Variants in TIAM1 observed in about 807,000 individuals in gnomAD.
TIAM1 encodes the protein rho guanine nucleotide exchange factor TIAM1.
TIAM1 carries 65 observed loss-of-function variants against 163.5 expected under a neutral mutation model. That is an observed-to-expected ratio of 0.40 (90% CI 0.33 to 0.49). The LOEUF (loss-of-function observed/expected upper bound fraction) is 0.49. Ranked by LOEUF, TIAM1 falls within the 20% of genes least tolerant of loss-of-function variation. The pLI, the probability that TIAM1 is intolerant of heterozygous loss-of-function variation, is 0.77. For missense variants in TIAM1, 1,789 were observed against 2,044.7 expected, an observed-to-expected ratio of 0.87 and a Z score of 2.41; for synonymous variants, 833 against 810.1, an observed-to-expected ratio of 1.03 and a Z score of -0.48.
At chr21:31,261,262 C>CTT (rs397792273) in intron 4 of TIAM1, among the ~76,000 whole-genome samples, 63,291 of 136,626 alleles carry the variant, frequency 0.46, 14,932 homozygotes, top group East Asian at 0.79. Context: ...CAGCCAAGTC[C>CTT]TTTTTTTTTT....
At chr21:31,538,729 C>T (rs915068242) in intron 1 of TIAM1, among the ~76,000 whole-genome samples, 2 of 152,166 alleles carry the variant, frequency 1.3e-5, no homozygotes, top group African/African-American at 2.4e-5. Flanking sequence ...GCCTTGGTTT[C>T]GAAAGAGATT....
intron 11 of TIAM1, among the ~76,000 whole-genome samples, chr21:31,208,650 A>C (rs2086571624): frequency 6.6e-6 from 1 of 152,220 alleles, no homozygotes; most frequent in Non-Finnish European, 1.5e-5. Flanking sequence ...TATGGCCCAA[A>C]ACAAGTGATT....
At chr21:31,156,783 C>T (rs757807563) in intron 16 of TIAM1, among the ~76,000 whole-genome samples, 32 of 152,334 alleles carry the variant, frequency 2.1e-4, no homozygotes, top group Non-Finnish European at 3.7e-4. Context: ...CAGCTGACAA[C>T]TAACTGTGCC....
intron 1 of TIAM1, among the ~76,000 whole-genome samples, chr21:31,519,237 G>A (rs146730326): frequency 0.044 from 6,657 of 149,796 alleles, 517 homozygotes; most frequent in African/African-American, 0.15. Flanking sequence ...CCTGGGAGGC[G>A]GAGGTTGCGG....
intron 1 of TIAM1, among the ~76,000 whole-genome samples, chr21:31,515,821 A>C (rs2047361126): frequency 6.6e-6 from 1 of 152,106 alleles, no homozygotes; most frequent in Non-Finnish European, 1.5e-5. Flanking sequence ...TCTAAAACAC[A>C]CCAGGGACTG....
rs539793835 is a variant in TIAM1, at chr21:31,130,804, TG to T, written c.3942+85del. The T allele has an allele frequency of 9.0e-4, 1,189 of 1,326,930 alleles. 7 individuals carry two copies. In the African/African-American group the frequency reaches 0.015, roughly 17 times the overall value. The allele number at this position is 1,326,930 out of a possible 1,614,324, so 82.2% of individuals were successfully genotyped here. A position where few individuals can be genotyped will look rare whatever the true frequency, so the allele number is the denominator to read the frequency against. On this transcript the variant is annotated intron_variant, in intron 24 of 27. Transcript: ENST00000541036. Reference sequence around the variant, plus strand: ...AAAAAGATCATAAAAAGGCTCATACTGACAAAATGGTAGAATTATGCAGGCA... The same window carrying T: ...AAAAAGATCATAAAAAGGCTCATACTACAAAATGGTAGAATTATGCAGGCA...
intron 1 of TIAM1, among the ~76,000 whole-genome samples, chr21:31,548,691 G>A (rs937540336): frequency 2.6e-5 from 4 of 151,446 alleles, no homozygotes; most frequent in African/African-American, 9.7e-5. Flanking sequence ...TCTTCACCAT[G>A]TTGGCCAGGC....
At chr21:31,240,274 C>A (rs557438520) in intron 6 of TIAM1, among the ~76,000 whole-genome samples, 2 of 152,206 alleles carry the variant, frequency 1.3e-5, no homozygotes, top group South Asian at 4.1e-4. Context: ...AAAAGCAACA[C>A]GAACAGTGGT....
intron 12 of TIAM1, among the ~76,000 whole-genome samples, chr21:31,199,398 C>A (rs867827362): frequency 2.6e-5 from 4 of 152,026 alleles, no homozygotes; most frequent in Admixed American, 6.6e-5. Context: ...TTTTCCCTCC[C>A]CCCCACCATC....
chr21:31,233,542 T>C (rs137909682), intron 6 of TIAM1, among the ~76,000 whole-genome samples: 3,418 of 152,214 alleles, frequency 0.022, 63 homozygotes, highest in South Asian at 0.054. Flanking sequence ...CCATCTCTAC[T>C]AAAAATACAA....
chr21:31,398,131 T>G (rs2077104005), intron 2 of TIAM1, among the ~76,000 whole-genome samples: 1 of 126,580 alleles, frequency 7.9e-6, no homozygotes, highest in Non-Finnish European at 1.6e-5. Context: ...GTGCCTAATC[T>G]CTGCAAGCAA....
intron 15 of TIAM1, among the ~76,000 whole-genome samples, chr21:31,172,288 C>T (rs2084548536): frequency 6.6e-6 from 1 of 151,986 alleles, no homozygotes; most frequent in Admixed American, 6.6e-5. Context: ...TAGACAACAA[C>T]ATGGTCAAGT....
intron 8 of TIAM1, among the ~76,000 whole-genome samples, chr21:31,222,196 C>T (rs2087596827): frequency 6.6e-6 from 1 of 152,150 alleles, no homozygotes; most frequent in Non-Finnish European, 1.5e-5. Flanking sequence ...TTGAAGGGTA[C>T]AGCTGACAAA....
At chr21:31,350,377 G>C (rs567733131) in intron 2 of TIAM1, among the ~76,000 whole-genome samples, 2 of 152,114 alleles carry the variant, frequency 1.3e-5, no homozygotes, top group South Asian at 4.1e-4. Context: ...ACTGGGGCAG[G>C]GAGTGGAGAA....
intron 2 of TIAM1, among the ~76,000 whole-genome samples, chr21:31,288,775 A>G (rs187186822): frequency 2.0e-3 from 301 of 152,336 alleles, no homozygotes; most frequent in African/African-American, 6.8e-3. Context: ...AGTTTCAAAC[A>G]TTATCTCAAC....
rs76096786 is a variant in TIAM1, at chr21:31,257,290, G to C, written c.964-5101C>G. 1.3e-3 allele frequency among the ~76,000 whole-genome samples: 191 copies of C among 151,922 alleles called. 4 individuals carry two copies. In the East Asian group the frequency reaches 0.029, roughly 23 times the overall value. ...AACAACCCATTCCTTTTCTTCTAAC[G>C]ATTTCCAATGGGAGTGACTCACAAT... is the stretch of plus-strand genomic sequence containing the variant. On this transcript the variant is annotated intron_variant, in intron 4 of 27. Transcript: ENST00000541036.
intron 2 of TIAM1, among the ~76,000 whole-genome samples, chr21:31,335,717 A>G (rs1387988869): frequency 6.6e-6 from 1 of 152,166 alleles, no homozygotes; most frequent in Admixed American, 6.5e-5. Flanking sequence ...AAAAAAAAGA[A>G]AAAAGAAAGA....
chr21:31,485,111 C>CT (rs11439072), intron 1 of TIAM1, among the ~76,000 whole-genome samples: 109,006 of 152,104 alleles, frequency 0.72, 39,976 homozygotes, highest in African/African-American at 0.84. Context: ...TGAATAATTT[C>CT]ATTCTTTCAG....
In TIAM1 at chr21:31,120,207, A is replaced by AC. The variant is rs1257041600; in HGVS notation, c.*160dup. 1 of 632,618 alleles carries AC rather than the reference A, an allele frequency of 1.6e-6. No individual in the cohort carries two copies. The highest frequency in any genetic ancestry group is 3.2e-5 in the Admixed American group (1 of 30,884). The allele number at this position is 632,618 out of a possible 1,614,324, so 39.2% of individuals were successfully genotyped here. A position where few individuals can be genotyped will look rare whatever the true frequency, so the allele number is the denominator to read the frequency against. On this transcript the variant is annotated 3_prime_UTR_variant, in exon 28 of 28. Coordinates refer to ENST00000541036, the MANE Select transcript of TIAM1 (RefSeq NM_001353694.2). The surrounding 1 kb of genome is among the most constrained non-coding windows in gnomAD (Gnocchi z 4.2). ...ATTCTTTCTGATGTTGTTGAAAATG[A>AC]CAAAGTTGGGTGGCTACATGGCTTC... is the stretch of plus-strand genomic sequence containing the variant.
Sources: allele counts gnomAD v4.1 joint callset (sites outside exome capture counted in the v4.1 genomes callset), GRCh38; gene constraint gnomAD v4.1.1; non-coding constraint Gnocchi (gnomAD v3.1); transcripts MANE v1.5; gene names NCBI Gene and HGNC (gene_info 2026-07-23, HGNC 2026-07-21).